The following PLD5 variants were observed in gnomAD, a reference collection of about 807,000 sequenced individuals.
PLD5 encodes the protein inactive phospholipase D5.
PLD5 carries 36 observed loss-of-function variants against 61.1 expected under a neutral mutation model. The observed-to-expected ratio is 0.59, with a 90% CI of 0.45 to 0.78. PLD5 has a LOEUF of 0.78. Among genes scored for constraint, PLD5 ranks in the 30% least tolerant of loss-of-function variants. The probability of loss-of-function intolerance (pLI) is 0.00; values close to 1 mark genes in which losing one functional copy is unlikely to be tolerated. For synonymous variants in PLD5, 243 were observed against 242.8 expected (o/e 1.00, Z -0.01); for missense variants, 515 against 644.4 (o/e 0.80, Z 2.17).
intron 1 of PLD5, among the ~76,000 whole-genome samples, chr1:242,374,972 C>T (rs1472103036): frequency 1.3e-5 from 2 of 152,180 alleles, no homozygotes; most frequent in South Asian, 2.1e-4. Flanking sequence ...GCCTTGGCCC[C>T]TACAGTTTTA....
chr1:242,231,065 G>A (rs940783271), intron 4 of PLD5, among the ~76,000 whole-genome samples: 2 of 152,288 alleles, frequency 1.3e-5, no homozygotes, highest in Middle Eastern at 3.4e-3. Context: ...ACATTTACTT[G>A]AGTAATATTG....
chr1:242,109,757 A>T (rs989942415), intron 7 of PLD5, among the ~76,000 whole-genome samples: 6 of 152,092 alleles, frequency 3.9e-5, no homozygotes, highest in African/African-American at 1.4e-4. Flanking sequence ...TTGAATTATA[A>T]GTCAGTGAGC....
intron 5 of PLD5, among the ~76,000 whole-genome samples, chr1:242,182,741 G>C (rs930246330): frequency 1.3e-5 from 2 of 152,192 alleles, no homozygotes; most frequent in African/African-American, 4.8e-5. Flanking sequence ...TACTTGGGAG[G>C]CTGAGGCACA....
chr1:242,216,030 G>T (rs549878869), intron 5 of PLD5, among the ~76,000 whole-genome samples: 1 of 152,286 alleles, frequency 6.6e-6, no homozygotes, highest in East Asian at 1.9e-4. Flanking sequence ...GCTGGAAGGG[G>T]TTAACATACC....
chr1:242,235,750 G>A (rs1000560674), intron 4 of PLD5: 4 of 152,160 alleles, frequency 2.6e-5, no homozygotes, highest in Non-Finnish European at 5.9e-5. Context: ...TCCTTTCAAG[G>A]AAGGGCTATG....
Position 242,320,495 on chromosome 1 carries a change from G to T in PLD5, c.326+27611C>A, listed in dbSNP as rs181349914. Among the ~76,000 whole-genome samples, 70 of 152,268 alleles carry T rather than the reference G, an allele frequency of 4.6e-4. No homozygotes were observed. The South Asian group carries it at 0.012, about 27-fold the overall frequency. Reference sequence around the variant, plus strand: ...GCGGGGCTGCATCTGAAGAGTGGTTGCCCAGAGCAAGCAACTGAGAAGGCT... The same window carrying T: ...GCGGGGCTGCATCTGAAGAGTGGTTTCCCAGAGCAAGCAACTGAGAAGGCT... On this transcript the variant is annotated intron_variant, in intron 2 of 9. Transcript: ENST00000536534.
intron 5 of PLD5, 54 bp from the exon 6 acceptor site, chr1:242,124,719 T>A: frequency 3.4e-6 from 5 of 1,478,674 alleles, no homozygotes; most frequent in Non-Finnish European, 4.6e-6. Flanking sequence ...TGGTGTTATT[T>A]TCAGAGAAAA....
intron 6 of PLD5, among the ~76,000 whole-genome samples, chr1:242,117,630 C>T (rs1191546067): frequency 6.6e-6 from 1 of 152,092 alleles, no homozygotes. Context: ...CCACCTGCCT[C>T]GGCCTCCCAA....
chr1:242,520,366 C>T (rs1213077089), intron 1 of PLD5, among the ~76,000 whole-genome samples: 1 of 152,088 alleles, frequency 6.6e-6, no homozygotes, highest in Non-Finnish European at 1.5e-5. Context: ...GGAGAATGTT[C>T]GTTCCTGCAC....
chr1:242,446,157 C>T (rs1003282668), intron 1 of PLD5, among the ~76,000 whole-genome samples: 2 of 152,084 alleles, frequency 1.3e-5, no homozygotes, highest in East Asian at 1.9e-4. Flanking sequence ...TTAACTCCCT[C>T]CCTGACTTCA....
chr1:242,507,992 CT>C (rs1668780541), intron 1 of PLD5, among the ~76,000 whole-genome samples: 1 of 83,678 alleles, frequency 1.2e-5, no homozygotes, highest in African/African-American at 9.7e-5. Context: ...CTTTTTTAAT[CT>C]GTTTTTTTTT....
chr1:242,296,696 C>T (rs1675676570), intron 2 of PLD5, among the ~76,000 whole-genome samples: 1 of 152,186 alleles, frequency 6.6e-6, no homozygotes, highest in Admixed American at 6.5e-5. Context: ...AGCTGGCTGG[C>T]TAACAGTATG....
intron 1 of PLD5, among the ~76,000 whole-genome samples, chr1:242,518,970 T>C (rs1478896161): frequency 6.6e-6 from 1 of 152,218 alleles, no homozygotes; most frequent in African/African-American, 2.4e-5. Flanking sequence ...CTTTCATGTC[T>C]TGACTGATGA....
At chr1:242,407,276 G>A (rs1452102267) in intron 1 of PLD5, among the ~76,000 whole-genome samples, 2 of 125,338 alleles carry the variant, frequency 1.6e-5, no homozygotes, top group Non-Finnish European at 3.3e-5. Context: ...TCACCACGTG[G>A]AACTGTGAGT....
At chr1:242,160,030 T>C (rs1665701157) in intron 5 of PLD5, among the ~76,000 whole-genome samples, 1 of 151,862 alleles carries the variant, frequency 6.6e-6, no homozygotes, top group Non-Finnish European at 1.5e-5. Context: ...TTTTTTGAGA[T>C]AGATAGGGTC....
chr1:242,345,721 A>G, intron 2 of PLD5: 2 of 694,590 alleles, frequency 2.9e-6, no homozygotes, highest in Admixed American at 3.8e-5. Context: ...TGGAAGATCA[A>G]ATCAAATTCA....
intron 5 of PLD5, among the ~76,000 whole-genome samples, chr1:242,137,640 T>C (rs1380504483): frequency 1.3e-5 from 2 of 152,104 alleles, no homozygotes; most frequent in South Asian, 2.1e-4. Flanking sequence ...GCAAGATTCT[T>C]TGGGGAGAAC....
chr1:242,238,833 C>T (rs1216661414), intron 4 of PLD5, among the ~76,000 whole-genome samples: 1 of 152,124 alleles, frequency 6.6e-6, no homozygotes, highest in African/African-American at 2.4e-5. Flanking sequence ...GCAGGGACCT[C>T]AGGGAGAGTG....
intron 5 of PLD5, among the ~76,000 whole-genome samples, chr1:242,169,997 T>A (rs1311937316): frequency 1.3e-5 from 2 of 152,182 alleles, no homozygotes; most frequent in African/African-American, 4.8e-5. Flanking sequence ...GGGGTGGCTG[T>A]GGGCACAGCT....
Sources: allele counts gnomAD v4.1 joint callset (sites outside exome capture counted in the v4.1 genomes callset), GRCh38; gene constraint gnomAD v4.1.1; transcripts MANE v1.5; gene names NCBI Gene and HGNC (gene_info 2026-07-23, HGNC 2026-07-21).